Variants in PHACTR1 observed in about 807,000 individuals in gnomAD.
PHACTR1 encodes phosphatase and actin regulator 1.
A neutral mutation model predicts 69.2 loss-of-function variants in PHACTR1; 16 were observed. That is an observed-to-expected ratio of 0.23 (90% CI 0.16 to 0.35). The LOEUF is 0.35. PHACTR1 is among the 10% of genes least tolerant of loss of function. The pLI is 1.00. For missense variants in PHACTR1, 510 were observed against 734.7 expected, an observed-to-expected ratio of 0.69 and a Z score of 3.54; for synonymous variants, 312 against 284.5, an observed-to-expected ratio of 1.10 and a Z score of -0.97.
intron 4 of PHACTR1, among the ~76,000 whole-genome samples, chr6:12,988,177 TA>T (rs926941972): frequency 6.6e-6 from 1 of 152,208 alleles, no homozygotes; most frequent in Non-Finnish European, 1.5e-5. Flanking sequence ...TTGCAGTACA[TA>T]TTGGCAGGTA....
intron 4 of PHACTR1, among the ~76,000 whole-genome samples, chr6:12,970,111 G>A (rs1425654487): frequency 6.6e-6 from 1 of 152,242 alleles, no homozygotes; most frequent in Non-Finnish European, 1.5e-5. Flanking sequence ...CTTCTTGGAT[G>A]AGTCACCTGC....
chr6:13,228,566 A>G (rs1295598164), intron 9 of PHACTR1, among the ~76,000 whole-genome samples: 2 of 152,342 alleles, frequency 1.3e-5, no homozygotes, highest in East Asian at 3.9e-4. Context: ...TTCAAAACCT[A>G]TCACTCTGGC....
chr6:13,221,448 G>A (rs565552982), intron 8 of PHACTR1, among the ~76,000 whole-genome samples: 2 of 151,980 alleles, frequency 1.3e-5, no homozygotes, highest in East Asian at 3.9e-4. Context: ...GAGGGGGAGG[G>A]TCTGGAAGAA....
At chr6:13,194,674 A>T (rs1397405518) in intron 7 of PHACTR1, among the ~76,000 whole-genome samples, 2 of 152,198 alleles carry the variant, frequency 1.3e-5, no homozygotes. Flanking sequence ...CTGCCAAAAC[A>T]TGATAAGTAT....
At chr6:13,084,265 A>G (rs998122937) in intron 5 of PHACTR1, among the ~76,000 whole-genome samples, 5 of 151,564 alleles carry the variant, frequency 3.3e-5, no homozygotes, top group Admixed American at 2.0e-4. Context: ...TCAGCAAACT[A>G]TCGCAAGGAC....
At chr6:13,128,526 ATAGTC>A (rs1428589612) in intron 5 of PHACTR1, among the ~76,000 whole-genome samples, 1 of 151,992 alleles carries the variant, frequency 6.6e-6, no homozygotes, top group African/African-American at 2.4e-5. Flanking sequence ...AGTGTCAAAA[ATAGTC>A]TAGAAGAAGT....
chr6:13,159,380 C>T (rs1758650874), intron 5 of PHACTR1, among the ~76,000 whole-genome samples: 3 of 152,174 alleles, frequency 2.0e-5, no homozygotes, highest in Admixed American at 6.5e-5. Flanking sequence ...AAGATATTTT[C>T]ACACCATTTT....
At chr6:13,086,118 A>G (rs537300153) in intron 5 of PHACTR1, among the ~76,000 whole-genome samples, 17 of 150,562 alleles carry the variant, frequency 1.1e-4, no homozygotes, top group Non-Finnish European at 2.4e-4. Context: ...CTAAAAGGAA[A>G]AGTACATAGC....
chr6:12,865,755 T>C (rs1252750271), intron 4 of PHACTR1, among the ~76,000 whole-genome samples: 1 of 152,228 alleles, frequency 6.6e-6, no homozygotes, highest in Non-Finnish European at 1.5e-5. Context: ...CAGCTTGCTA[T>C]GTTTTTCCCA....
intron 4 of PHACTR1, among the ~76,000 whole-genome samples, chr6:12,847,681 C>T (rs758354335): frequency 6.6e-6 from 1 of 151,908 alleles, no homozygotes; most frequent in Admixed American, 6.6e-5. Flanking sequence ...CTGAATACAT[C>T]CCAAGATGTT....
At position 13,275,566 on chromosome 6, in the gene PHACTR1, T is replaced by C. The variant is rs915532049; in HGVS notation, c.1447+2651T>C. The C allele has an allele frequency of 2.0e-5, 3 of 152,088 alleles. No homozygotes were observed. The highest frequency in any genetic ancestry group is 4.4e-5 in the Non-Finnish European group (3 of 68,078). The allele number at this position is 152,088 out of a possible 1,614,324, so 9.4% of individuals were successfully genotyped here. ...GAAGGGACCTGTAGGATCAGAAGTC[T>C]GAGGCTAGTAATGAGGAGGAGAGCC... On this transcript the variant is annotated intron_variant, in intron 11 of 14. Coordinates refer to ENST00000332995, the MANE Select transcript of PHACTR1 (RefSeq NM_030948.6). This position sits in a 1 kb window ranked among gnomAD's most constrained non-coding sequence, Gnocchi z 4.0.
chr6:12,726,265 T>C (rs907548613), intron 3 of PHACTR1, among the ~76,000 whole-genome samples: 4 of 152,172 alleles, frequency 2.6e-5, no homozygotes, highest in Non-Finnish European at 5.9e-5. Context: ...TATAGAATAG[T>C]CTGGGATGAT....
At chr6:13,212,911 T>C (rs1439416608) in intron 8 of PHACTR1, among the ~76,000 whole-genome samples, 1 of 152,212 alleles carries the variant, frequency 6.6e-6, no homozygotes, top group Non-Finnish European at 1.5e-5. Flanking sequence ...CACAGCCTGT[T>C]CCCCAGCTCC....
chr6:13,165,006 G>T (rs888257755), intron 6 of PHACTR1, among the ~76,000 whole-genome samples: 3 of 151,786 alleles, frequency 2.0e-5, no homozygotes, highest in Non-Finnish European at 2.9e-5. Flanking sequence ...ACAATCCAGA[G>T]ATTTAGATAA....
chr6:12,972,658 T>C (rs1482017963), intron 4 of PHACTR1, among the ~76,000 whole-genome samples: 1 of 149,904 alleles, frequency 6.7e-6, no homozygotes, highest in Non-Finnish European at 1.5e-5. Flanking sequence ...TTCTTTCTTT[T>C]TTTTTTTTTT....
At chr6:13,023,000 G>A (rs999584919) in intron 4 of PHACTR1, among the ~76,000 whole-genome samples, 1 of 152,012 alleles carries the variant, frequency 6.6e-6, no homozygotes, top group Non-Finnish European at 1.5e-5. Flanking sequence ...CTGGGCCATA[G>A]AGGGAGATCC....
chr6:12,849,353 A>G (rs567778919), intron 4 of PHACTR1, among the ~76,000 whole-genome samples: 2 of 152,320 alleles, frequency 1.3e-5, no homozygotes, highest in East Asian at 3.9e-4. Flanking sequence ...TTGTATGAAC[A>G]CATATACTTG....
chr6:13,141,706 T>G (rs997792424), intron 5 of PHACTR1, among the ~76,000 whole-genome samples: 2 of 148,328 alleles, frequency 1.3e-5, no homozygotes, highest in African/African-American at 2.5e-5. Context: ...ATTCCACACA[T>G]GTTTAGATTT....
intron 4 of PHACTR1, among the ~76,000 whole-genome samples, chr6:13,024,008 C>T (rs755551788): frequency 5.3e-5 from 8 of 151,012 alleles, no homozygotes; most frequent in African/African-American, 1.5e-4. Context: ...ATCCCGGAGG[C>T]AGAGGTTGGA....
Sources: allele counts gnomAD v4.1 joint callset (sites outside exome capture counted in the v4.1 genomes callset), GRCh38; gene constraint gnomAD v4.1.1; non-coding constraint Gnocchi (gnomAD v3.1); transcripts MANE v1.5; gene names NCBI Gene and HGNC (gene_info 2026-07-23, HGNC 2026-07-21).